The following CTNNA2 variants were observed in gnomAD, a reference collection of about 807,000 sequenced individuals.
The protein encoded by CTNNA2 is catenin alpha-2.
CTNNA2 carries 42 observed loss-of-function variants against 101.0 expected under a neutral mutation model. That is an observed-to-expected ratio of 0.42 (90% CI 0.32 to 0.54). CTNNA2 has a LOEUF of 0.54. Among genes scored for constraint, CTNNA2 ranks in the 20% least tolerant of loss-of-function variants. The pLI is 0.14. For missense variants in CTNNA2, 871 were observed against 1,223.1 expected (o/e 0.71, Z 4.29); for synonymous variants, 450 against 456.4 (o/e 0.99, Z 0.18).
In CTNNA2 at chr2:80,567,879, CT is replaced by C. The variant is rs1016627138; in HGVS notation, c.1742-6276del. Among the ~76,000 whole-genome samples, 11 of 152,010 alleles carry C rather than the reference CT, an allele frequency of 7.2e-5. No individual in the cohort carries two copies. In the South Asian group the frequency reaches 8.3e-4, roughly 12 times the overall value. Reference sequence around the variant, plus strand: ...TTATTTTTAGATTCCTTTCAATGCTCTTTTTTTTATTTTATGTTAACAGTTA... The same window carrying C: ...TTATTTTTAGATTCCTTTCAATGCTCTTTTTTTATTTTATGTTAACAGTTA... On this transcript the variant is annotated intron_variant, in intron 12 of 18. Coordinates refer to ENST00000402739, the MANE Select transcript of CTNNA2 (RefSeq NM_001282597.3).
chr2:79,888,570 C>A (rs1010431544), intron 6 of CTNNA2, among the ~76,000 whole-genome samples: 4 of 152,124 alleles, frequency 2.6e-5, no homozygotes, highest in African/African-American at 9.7e-5. Context: ...AATTGTTGAG[C>A]AAATAAAAGA....
At chr2:79,955,128 T>C (rs1249877129) in intron 7 of CTNNA2, among the ~76,000 whole-genome samples, 1 of 152,208 alleles carries the variant, frequency 6.6e-6, no homozygotes, top group Non-Finnish European at 1.5e-5. Flanking sequence ...TGTTTTATTA[T>C]GGCAGAATCT....
At chr2:79,520,202 G>A in intron 1 of CTNNA2, among the ~76,000 whole-genome samples, 1 of 152,170 alleles carries the variant, frequency 6.6e-6, no homozygotes, top group East Asian at 1.9e-4. Flanking sequence ...TGTGTAACCA[G>A]CAGTGCGATC....
At chr2:79,227,113 T>C (rs1434748530) in intron 2 of CTNNA2, among the ~76,000 whole-genome samples, 1 of 152,154 alleles carries the variant, frequency 6.6e-6, no homozygotes, top group Admixed American at 6.6e-5. Flanking sequence ...GAGCCCTTCA[T>C]ACCTCAGAGT....
At chr2:80,005,898 A>G (rs417472) in intron 7 of CTNNA2, among the ~76,000 whole-genome samples, 94,483 of 151,844 alleles carry the variant, frequency 0.62, 30,556 homozygotes, top group East Asian at 0.76. Context: ...ATTACTTTTT[A>G]TATTTAACGC....
chr2:80,629,296 C>A (rs1672029211), intron 18 of CTNNA2, among the ~76,000 whole-genome samples: 1 of 152,014 alleles, frequency 6.6e-6, no homozygotes, highest in Non-Finnish European at 1.5e-5. Context: ...ACTGGGAGTC[C>A]TTGAGGAATC....
upstream of CTNNA2, among the ~76,000 whole-genome samples, chr2:79,511,759 C>T (rs1039104225): frequency 6.6e-6 from 1 of 152,028 alleles, no homozygotes; most frequent in African/African-American, 2.4e-5. Flanking sequence ...CAAACAATTG[C>T]AGACGCGAAC....
At chr2:79,389,436 G>A (rs1231931668) in intron 4 of CTNNA2, among the ~76,000 whole-genome samples, 1 of 152,152 alleles carries the variant, frequency 6.6e-6, no homozygotes, top group Non-Finnish European at 1.5e-5. Flanking sequence ...GGGAGAATCT[G>A]CAGCACTAAG....
At chr2:80,075,121 C>A (rs939420996) in intron 7 of CTNNA2, among the ~76,000 whole-genome samples, 7 of 152,102 alleles carry the variant, frequency 4.6e-5, no homozygotes, top group Non-Finnish European at 8.8e-5. Context: ...GAAGCCCCTT[C>A]ATTCTGCCTT....
intron 2 of CTNNA2, among the ~76,000 whole-genome samples, chr2:79,280,750 T>C (rs1675355346): frequency 6.6e-6 from 1 of 151,104 alleles, no homozygotes; most frequent in African/African-American, 2.4e-5. Context: ...CATCCACCCT[T>C]GTGCAGCTCT....
chr2:80,448,968 T>C (rs1436161158), intron 9 of CTNNA2, among the ~76,000 whole-genome samples: 1 of 152,192 alleles, frequency 6.6e-6, no homozygotes, highest in African/African-American at 2.4e-5. Flanking sequence ...TTTGGTTAGC[T>C]ACCTGTAGAG....
intron 3 of CTNNA2, among the ~76,000 whole-genome samples, chr2:79,800,760 A>G (rs971814702): frequency 6.6e-6 from 1 of 152,170 alleles, no homozygotes; most frequent in Non-Finnish European, 1.5e-5. Context: ...TTTTGATAAC[A>G]TGCCTGCTGA....
At chr2:79,868,679 C>G (rs1011148899) in intron 4 of CTNNA2, among the ~76,000 whole-genome samples, 26 of 152,230 alleles carry the variant, frequency 1.7e-4, no homozygotes, top group Non-Finnish European at 2.5e-4. Context: ...AAGAGCCGAT[C>G]TGAATTCTGC....
chr2:80,581,050 C>T (rs937477278), intron 13 of CTNNA2, among the ~76,000 whole-genome samples: 1 of 152,112 alleles, frequency 6.6e-6, no homozygotes, highest in Non-Finnish European at 1.5e-5. Context: ...TGATGACAAA[C>T]ATTTAAAAAA....
Position 79,590,398 on chromosome 2 carries a change from A to G in CTNNA2, c.-5-61154A>G, listed in dbSNP as rs546804382. 3.9e-5 allele frequency among the ~76,000 whole-genome samples: 6 copies of G among 152,296 alleles called. No individual in the cohort carries two copies. The South Asian group carries it at 8.3e-4, about 21-fold the overall frequency. ...ATATGATGAAAATCTCTTGCAGTTT[A>G]GTCTATAGAATATCTTCAGATAGTC... On this transcript the variant is annotated intron_variant, in intron 1 of 18. Coordinates refer to ENST00000402739, the MANE Select transcript of CTNNA2 (RefSeq NM_001282597.3).
chr2:79,744,331 T>C, intron 2 of CTNNA2, 56 bp from the exon 3 acceptor site: 1 of 1,479,032 alleles, frequency 6.8e-7, no homozygotes, highest in Non-Finnish European at 9.1e-7. Flanking sequence ...TGAGATAACA[T>C]GACATTTCTA....
intron 1 of CTNNA2, among the ~76,000 whole-genome samples, chr2:79,538,106 G>C (rs1019137157): frequency 1.3e-5 from 2 of 152,066 alleles, no homozygotes; most frequent in African/African-American, 4.8e-5. Context: ...AAAACACTAA[G>C]ATAGTTTGTA....
At chr2:79,890,288 C>T (rs977891531) in intron 6 of CTNNA2, among the ~76,000 whole-genome samples, 4 of 152,106 alleles carry the variant, frequency 2.6e-5, no homozygotes, top group African/African-American at 7.2e-5. Context: ...AGCAGTTTAT[C>T]GTATTTTAAA....
At chr2:80,007,555 C>T (rs12471345) in intron 7 of CTNNA2, among the ~76,000 whole-genome samples, 21,282 of 152,078 alleles carry the variant, frequency 0.14, 1,731 homozygotes, top group South Asian at 0.32. Flanking sequence ...GTGGGTGGTG[C>T]TGAGGGAGAG....
Sources: allele counts gnomAD v4.1 joint callset (sites outside exome capture counted in the v4.1 genomes callset), GRCh38; gene constraint gnomAD v4.1.1; transcripts MANE v1.5; gene names NCBI Gene and HGNC (gene_info 2026-07-23, HGNC 2026-07-21).